Variants in PDE3B observed in about 807,000 individuals in gnomAD.
PDE3B encodes the protein cGMP-inhibited 3',5'-cyclic phosphodiesterase 3B.
Under a neutral mutation model 116.8 loss-of-function variants are expected in PDE3B, and 66 were observed. The ratio of observed to expected loss-of-function variants is 0.56; its 90% CI spans 0.46 to 0.69. The LOEUF (loss-of-function observed/expected upper bound fraction) is 0.69, where lower values mean the gene tolerates loss of function less well. Among genes scored for constraint, PDE3B ranks in the 30% least tolerant of loss-of-function variants. The pLI, the probability that PDE3B is intolerant of heterozygous loss-of-function variation, is 0.00. For missense variants in PDE3B, 1,384 were observed against 1,368.1 expected, an observed-to-expected ratio of 1.01 and a Z score of -0.18; for synonymous variants, 595 against 533.6, an observed-to-expected ratio of 1.12 and a Z score of -1.59.
intron 1 of PDE3B, among the ~76,000 whole-genome samples, chr11:14,729,301 T>G (rs950512804): frequency 6.6e-6 from 1 of 152,250 alleles, no homozygotes; most frequent in African/African-American, 2.4e-5. Flanking sequence ...TCTTTTGAAA[T>G]GAACTTGAAT....
chr11:14,747,007 C>G (rs968697163), intron 1 of PDE3B, among the ~76,000 whole-genome samples: 1 of 152,182 alleles, frequency 6.6e-6, no homozygotes, highest in African/African-American at 2.4e-5. Context: ...AGCATCTGCT[C>G]CTGGCGAGTG....
intron 2 of PDE3B, 31 bp from the exon 3 acceptor site, chr11:14,786,406 T>A (rs1357057068): frequency 6.4e-7 from 1 of 1,572,684 alleles, no homozygotes. Context: ...CATGTACAAA[T>A]GAATGAAAAT....
At chr11:14,661,149 C>A (rs925705116) in intron 1 of PDE3B, among the ~76,000 whole-genome samples, 1 of 152,174 alleles carries the variant, frequency 6.6e-6, no homozygotes, top group Non-Finnish European at 1.5e-5. Flanking sequence ...TACCATTTGA[C>A]CCAGCCATCC....
At chr11:14,885,543 A>G in the PDE3B span, among the ~76,000 whole-genome samples, 3 of 152,336 alleles carry the variant, frequency 2.0e-5, no homozygotes, top group East Asian at 5.8e-4. Context: ...TTGATTCTTT[A>G]AAACATTATT....
At chr11:14,831,850 T>C in intron 9 of PDE3B, 73 bp downstream of exon 9, 1 of 1,059,200 alleles carries the variant, frequency 9.4e-7, no homozygotes, top group Non-Finnish European at 1.4e-6. Flanking sequence ...CAAAATCTAA[T>C]ATGTAATGGT....
chr11:14,892,075 G>A, the PDE3B span: 5 of 1,611,984 alleles, frequency 3.1e-6, no homozygotes, highest in East Asian at 6.7e-5. Flanking sequence ...TGGCAGCCCC[G>A]GCGGCCCCGG....
intron 11 of PDE3B, among the ~76,000 whole-genome samples, chr11:14,839,530 G>A (rs1268647514): frequency 6.6e-6 from 1 of 152,226 alleles, no homozygotes; most frequent in Non-Finnish European, 1.5e-5. Context: ...AGTTGCTACA[G>A]CTGTTCCAGA....
intron 2 of PDE3B, chr11:14,773,281 C>A (rs1857696171): frequency 6.6e-6 from 1 of 151,704 alleles, no homozygotes; most frequent in Non-Finnish European, 1.5e-5. Flanking sequence ...TTTGTTAAAC[C>A]ATCCCTGTAT....
chr11:14,892,685 T>C, the PDE3B span, among the ~76,000 whole-genome samples: 1 of 152,224 alleles, frequency 6.6e-6, no homozygotes, highest in Non-Finnish European at 1.5e-5. Context: ...CAGTAGAAAA[T>C]TGACCCATCA....
chr11:14,739,781 A>G (rs2133863810), intron 1 of PDE3B, among the ~76,000 whole-genome samples: 1 of 152,286 alleles, frequency 6.6e-6, no homozygotes, highest in East Asian at 1.9e-4. Flanking sequence ...CGTTCCATCG[A>G]CACCTAGCTC....
chr11:14,892,218 G>A, the PDE3B span: 2 of 1,607,448 alleles, frequency 1.2e-6, no homozygotes, highest in Non-Finnish European at 1.7e-6. Context: ...GCCCGAGCTG[G>A]AGGTGCGAAC....
At chr11:14,768,475 C>G (rs1045522863) in intron 1 of PDE3B, among the ~76,000 whole-genome samples, 1 of 151,524 alleles carries the variant, frequency 6.6e-6, no homozygotes, top group Non-Finnish European at 1.5e-5. Flanking sequence ...CTGTATGTAT[C>G]TGTCTGTGAC....
chr11:14,847,888 C>T (rs1847646979), intron 12 of PDE3B, among the ~76,000 whole-genome samples: 1 of 152,252 alleles, frequency 6.6e-6, no homozygotes, highest in African/African-American at 2.4e-5. Context: ...GATGGATTCA[C>T]AGCCGAATTC....
chr11:14,833,621 A>G (rs1859966462), intron 10 of PDE3B, among the ~76,000 whole-genome samples: 1 of 152,288 alleles, frequency 6.6e-6, no homozygotes, highest in African/African-American at 2.4e-5. Flanking sequence ...TGGCTATTAT[A>G]TATTATGTTT....
chr11:14,892,363 A>G, the PDE3B span: 5 of 689,152 alleles, frequency 7.3e-6, no homozygotes, highest in Non-Finnish European at 9.7e-6. Flanking sequence ...CGGGACAACT[A>G]CCTTCTAGTT....
At chr11:14,862,889 T>C (rs1555007457) in intron 14 of PDE3B, among the ~76,000 whole-genome samples, 1 of 151,982 alleles carries the variant, frequency 6.6e-6, no homozygotes, top group Non-Finnish European at 1.5e-5. Context: ...AATCTTTAAT[T>C]TTTTTTTAAA....
Position 14,818,286 on chromosome 11 carries a change from T to G in PDE3B, c.1626T>G (p.Asp542Glu). Reference sequence around the variant, plus strand: ...CCATAGAATTTCCTGATACTGCTGATTTTCTTAATAAGCCAAGCGTTATCT... The same window carrying G: ...CCATAGAATTTCCTGATACTGCTGAGTTTCTTAATAAGCCAAGCGTTATCT... ...RSPIEFPDTA[D>E]FLNKPSVILQ... Residue 542 changes from aspartate to glutamate, a missense_variant, in exon 6 of 16, where the codon GAT (aspartate) becomes GAG (glutamate). Physicochemically the swap from Asp to Glu is conservative, Grantham distance 45. Coordinates refer to ENST00000282096, the MANE Select transcript of PDE3B (RefSeq NM_000922.4). 6.2e-7 allele frequency: 1 copy of G among 1,613,604 alleles called. No homozygotes were observed. The highest frequency in any genetic ancestry group is 8.5e-7 in the Non-Finnish European group (1 of 1,179,570).
chr11:14,748,981 T>G (rs1220009819), intron 1 of PDE3B, among the ~76,000 whole-genome samples: 2 of 151,534 alleles, frequency 1.3e-5, no homozygotes, highest in African/African-American at 4.9e-5. Flanking sequence ...TTCCGCCGCC[T>G]GGGTTCATGT....
intron 2 of PDE3B, 110 bp from the exon 3 acceptor site, chr11:14,786,327 G>T: frequency 2.6e-6 from 2 of 754,838 alleles, no homozygotes; most frequent in East Asian, 2.9e-5. Context: ...AAAGTTCACG[G>T]TTATTTGCTA....
Sources: gnomAD v4.1 joint callset for allele counts (sites outside exome capture counted in the v4.1 genomes callset) on GRCh38, gnomAD v4.1.1 for gene constraint, MANE v1.5 for transcripts, NCBI Gene and HGNC (gene_info 2026-07-23, HGNC 2026-07-21) for gene names.